Variants in FASLG observed in about 807,000 individuals in gnomAD.
The protein encoded by FASLG is Fas ligand.
Under a neutral mutation model 24.6 loss-of-function variants are expected in FASLG, and 9 were observed. The observed-to-expected ratio is 0.37, with a 90% CI of 0.22 to 0.64. FASLG has a LOEUF of 0.64. FASLG is among the 30% of genes least tolerant of loss of function. The probability of loss-of-function intolerance (pLI) is 0.64; values close to 1 mark genes in which losing one functional copy is unlikely to be tolerated. For synonymous variants in FASLG, 130 were observed against 135.5 expected (o/e 0.96, Z 0.28); for missense variants, 306 against 345.3 (o/e 0.89, Z 0.90).
At chr1:172,660,286 A>G (rs928919564) in intron 2 of FASLG, 146 bp downstream of exon 2, 20 of 816,998 alleles carry the variant, frequency 2.4e-5, no homozygotes, top group Admixed American at 1.2e-4. Flanking sequence ...TCTCTGGTCT[A>G]TGATTCCTTG....
At chr1:172,662,671 G>T (rs887694646) in intron 2 of FASLG, among the ~76,000 whole-genome samples, 2 of 152,100 alleles carry the variant, frequency 1.3e-5, no homozygotes, top group African/African-American at 4.8e-5. Context: ...CGCTGGGAAC[G>T]GCACATGCAA....
chr1:172,665,717 A>G lies in FASLG; in HGVS notation c.547A>G (p.Ile183Val). 1 of 1,614,196 alleles carries G rather than the reference A, an allele frequency of 6.2e-7. No homozygotes were observed. The highest frequency in any genetic ancestry group is 8.5e-7 in the Non-Finnish European group (1 of 1,180,030). The change falls in exon 4 of 4, where the codon ATC becomes GTC. Residue 183 changes from isoleucine to valine, a missense_variant. By Grantham distance (29) the Ile-to-Val change is conservative. Transcript: ENST00000367721. ...GAAGTATAAGAAGGGTGGCCTTGTGATCAATGAAACTGGGCTGTACTTTGT... is the reference window on the plus strand; with the variant it reads ...GAAGTATAAGAAGGGTGGCCTTGTGGTCAATGAAACTGGGCTGTACTTTGT... The part of the protein sequence containing the change: ...GVKYKKGGLV[I>V]NETGLYFVYS...
intron 2 of FASLG, 141 bp downstream of exon 2, chr1:172,660,281 G>T: frequency 1.2e-6 from 1 of 831,326 alleles, no homozygotes; most frequent in East Asian, 2.5e-5. Flanking sequence ...CAGAATCTCT[G>T]GTCTATGATT....
chr1:172,660,163 A>G (rs777354312), intron 2 of FASLG, 23 bp downstream of exon 2: 8 of 1,610,956 alleles, frequency 5.0e-6, no homozygotes, highest in Admixed American at 1.7e-5. Context: ...TCGCATGTAC[A>G]TTGAGTTCCC....
intron 1 of FASLG, 133 bp from the exon 2 acceptor site, chr1:172,659,962 C>T: frequency 1.0e-6 from 1 of 993,684 alleles, no homozygotes; most frequent in Non-Finnish European, 1.5e-6. Context: ...ATTGCTTGGC[C>T]AAAGCCCAAG....
rs11324307 is a variant in FASLG, at chr1:172,665,449, TG to T, written c.452-172del. Among the ~76,000 whole-genome samples the T allele has an allele frequency of 0.11, 16,989 of 152,224 alleles. 1,055 individuals are homozygous for T. The highest frequency in any genetic ancestry group is 0.23 in the Middle Eastern group (69 of 294). On this transcript the variant is annotated intron_variant, in intron 3 of 3. Transcript: ENST00000367721. ...TGTGGATGACAAAATAGGACAACGT[TG>T]TTGAGGAAATTCTGTGATGGATCAA...
rs1267175575 is a variant in FASLG, at chr1:172,665,731, G to A, written c.561G>A (p.Gly187=). 6.2e-7 allele frequency: 1 copy of A among 1,614,010 alleles called. No homozygotes were observed. The highest frequency in any genetic ancestry group is 8.5e-7 in the Non-Finnish European group (1 of 1,180,034). ...KKGGLVINET[G]LYFVYSKVYF... is the part of the protein sequence containing the mutation. ...GTGGCCTTGTGATCAATGAAACTGG[G>A]CTGTACTTTGTATATTCCAAAGTAT... The change falls in exon 4 of 4, where the codon GGG becomes GGA. Residue 187 remains glycine (G), a synonymous_variant. Transcript: ENST00000367721.
intron 2 of FASLG, among the ~76,000 whole-genome samples, chr1:172,662,425 A>G (rs539783837): frequency 1.2e-4 from 19 of 152,260 alleles, no homozygotes; most frequent in African/African-American, 3.4e-4. Flanking sequence ...TTGGATGCTG[A>G]TTGAGGATGA....
intron 1 of FASLG, 47 bp downstream of exon 1, chr1:172,659,596 G>C (rs1258318408): frequency 6.3e-7 from 1 of 1,598,572 alleles, no homozygotes; most frequent in East Asian, 2.2e-5. Flanking sequence ...CCAGGCATAA[G>C]GGGATGGAGG....
At chr1:172,664,226 A>G (rs560785891) in intron 2 of FASLG, 108 bp from the exon 3 acceptor site, 1 of 1,178,276 alleles carries the variant, frequency 8.5e-7, no homozygotes, top group Admixed American at 2.0e-5. Context: ...GACTGTTGCC[A>G]TTTACGGTTT....
At chr1:172,659,810 C>T (rs1659099323) in intron 1 of FASLG, among the ~76,000 whole-genome samples, 1 of 152,132 alleles carries the variant, frequency 6.6e-6, no homozygotes, top group Non-Finnish European at 1.5e-5. Flanking sequence ...CTTACTGCCT[C>T]ATACCTATTG....
Position 172,666,139 on chromosome 1 carries a change from C to A in FASLG, c.*123C>A. On this transcript the variant is annotated 3_prime_UTR_variant, in exon 4 of 4. Coordinates refer to ENST00000367721, the MANE Select transcript of FASLG (RefSeq NM_000639.3). Reference sequence around the variant, plus strand: ...GTAAGAAGACATGAACCAAGTGGACCTTGAGACCACAGGGTTCAAAATGTC... The same window carrying A: ...GTAAGAAGACATGAACCAAGTGGACATTGAGACCACAGGGTTCAAAATGTC... 1 of 1,167,848 alleles carries A rather than the reference C, an allele frequency of 8.6e-7. No individual in the cohort carries two copies. The highest frequency in any genetic ancestry group is 1.2e-6 in the Non-Finnish European group (1 of 810,504). 72.3% of individuals were successfully genotyped at this position (1,167,848 alleles called of 1,614,324 possible). A position where few individuals can be genotyped will look rare whatever the true frequency, so the allele number is the denominator to read the frequency against.
chr1:172,660,617 A>T (rs1659117457), intron 2 of FASLG, among the ~76,000 whole-genome samples: 1 of 152,228 alleles, frequency 6.6e-6, no homozygotes, highest in African/African-American at 2.4e-5. Flanking sequence ...GTTTTATAGG[A>T]TGTAAGCTTT....
At chr1:172,659,606 G>C in intron 1 of FASLG, 57 bp downstream of exon 1, 1 of 1,588,740 alleles carries the variant, frequency 6.3e-7, no homozygotes, top group Non-Finnish European at 8.6e-7. Flanking sequence ...GGGGATGGAG[G>C]GCCCACTGCC....
intron 1 of FASLG, 85 bp from the exon 2 acceptor site, chr1:172,660,010 G>A: frequency 1.4e-6 from 2 of 1,405,858 alleles, no homozygotes; most frequent in South Asian, 2.4e-5. Context: ...TCTCTTTCCA[G>A]GGCTTGGTTT....
intron 1 of FASLG, 125 bp downstream of exon 1, chr1:172,659,674 A>C (rs1659097115): frequency 7.2e-7 from 1 of 1,387,242 alleles, no homozygotes; most frequent in Non-Finnish European, 9.5e-7. Flanking sequence ...GGGTTGTTCT[A>C]GTTATTCTAT....
chr1:172,662,417 G>A (rs373401576), intron 2 of FASLG, among the ~76,000 whole-genome samples: 2 of 152,284 alleles, frequency 1.3e-5, no homozygotes, highest in South Asian at 2.1e-4. Context: ...GTTGGGTGTT[G>A]GATGCTGATT....
intron 2 of FASLG, among the ~76,000 whole-genome samples, chr1:172,662,544 G>T (rs1442358506): frequency 1.3e-5 from 2 of 150,662 alleles, no homozygotes; most frequent in Non-Finnish European, 3.0e-5. Flanking sequence ...TACAACCTGA[G>T]AATCTTCTTT....
At position 172,665,815 on chromosome 1, in the gene FASLG, C is replaced by T. The variant is rs1394511823; in HGVS notation, c.645C>T (p.Asn215=). ...LPLSHKVYMR[N]SKYPQDLVMM... ...TGAGCCACAAGGTCTACATGAGGAA[C>T]TCTAAGTATCCCCAGGATCTGGTGA... is the stretch of plus-strand genomic sequence containing the variant. The change falls in exon 4 of 4, where the codon AAC becomes AAT. Residue 215 remains asparagine, a synonymous_variant. Transcript: ENST00000367721. 3.7e-6 allele frequency: 6 copies of T among 1,614,092 alleles called. No individual in the cohort carries two copies. The highest frequency in any genetic ancestry group is 1.3e-5 in the African/African-American group (1 of 74,998).
Sources: gnomAD v4.1 joint callset for allele counts (sites outside exome capture counted in the v4.1 genomes callset) on GRCh38, gnomAD v4.1.1 for gene constraint, MANE v1.5 for transcripts, NCBI Gene and HGNC (gene_info 2026-07-23, HGNC 2026-07-21) for gene names.